IL1RAPL1: variants seen among roughly 807,000 people sequenced by gnomAD.
IL1RAPL1 encodes interleukin-1 receptor accessory protein-like 1.
In IL1RAPL1, 3 loss-of-function variants were observed where a neutral mutation model predicts 48.4. The ratio of observed to expected loss-of-function variants is 0.06; its 90% CI spans 0.03 to 0.16. IL1RAPL1 has a LOEUF of 0.16. Ranked by LOEUF, IL1RAPL1 falls within the 10% of genes least tolerant of loss-of-function variation. IL1RAPL1 has a pLI of 1.00. For synonymous variants in IL1RAPL1, 185 were observed against 187.7 expected (o/e 0.99, Z 0.12); for missense variants, 349 against 530.6 (o/e 0.66, Z 3.36).
chrX:29,732,017 T>G (rs1188772149), intron 6 of IL1RAPL1, among the ~76,000 whole-genome samples: 1 of 112,055 alleles, frequency 8.9e-6, no homozygotes, highest in Admixed American at 9.5e-5. Context: ...ATATATATAG[T>G]ATTGACTTCT....
intron 2 of IL1RAPL1, among the ~76,000 whole-genome samples, chrX:29,039,958 T>C (rs1389846408): frequency 9.0e-6 from 1 of 110,971 alleles, no homozygotes; most frequent in Non-Finnish European, 1.9e-5. Flanking sequence ...ATCCTAATTG[T>C]ACAACAAAAT....
At chrX:29,441,774 T>C (rs942116888) in intron 5 of IL1RAPL1, among the ~76,000 whole-genome samples, 1 of 112,178 alleles carries the variant, frequency 8.9e-6, no homozygotes, top group Non-Finnish European at 1.9e-5. Context: ...GTTTCTGCCA[T>C]TTCAGTATGA....
At chrX:29,401,292 T>G (rs912745427) in intron 5 of IL1RAPL1, among the ~76,000 whole-genome samples, 16 of 111,681 alleles carry the variant, frequency 1.4e-4, no homozygotes, top group African/African-American at 4.9e-4. Flanking sequence ...TTTGGGCAAA[T>G]AAATTATGAA....
chrX:29,477,560 A>G (rs1934991780), intron 5 of IL1RAPL1, among the ~76,000 whole-genome samples: 1 of 112,340 alleles, frequency 8.9e-6, no homozygotes, highest in African/African-American at 3.2e-5. Flanking sequence ...GAAAACAGCA[A>G]TAGCTAACAC....
At chrX:28,637,663 G>T (rs1186223647) in intron 1 of IL1RAPL1, among the ~76,000 whole-genome samples, 1 of 111,936 alleles carries the variant, frequency 8.9e-6, no homozygotes, top group Non-Finnish European at 1.9e-5. Context: ...TAGGATATTG[G>T]ATATTTTCAG....
intron 6 of IL1RAPL1, among the ~76,000 whole-genome samples, chrX:29,893,326 C>T (rs1932308483): frequency 9.0e-6 from 1 of 111,227 alleles, no homozygotes; most frequent in African/African-American, 3.3e-5. Context: ...ATTTAGCTGT[C>T]TCAGGGGCCT....
intron 1 of IL1RAPL1, among the ~76,000 whole-genome samples, chrX:28,775,040 C>A (rs181399033): frequency 1.8e-5 from 2 of 112,109 alleles, no homozygotes; most frequent in East Asian, 5.6e-4. Context: ...GATATAAATT[C>A]TTGTCTGAAC....
intron 3 of IL1RAPL1, among the ~76,000 whole-genome samples, chrX:29,297,747 T>G (rs977332600): frequency 1.8e-5 from 2 of 112,515 alleles, no homozygotes; most frequent in Non-Finnish European, 3.8e-5. Flanking sequence ...ATCAGTGCAC[T>G]CATAAAAAAT....
chrX:29,020,942 C>G (rs1310625788), intron 2 of IL1RAPL1, among the ~76,000 whole-genome samples: 1 of 111,245 alleles, frequency 9.0e-6, no homozygotes, highest in Non-Finnish European at 1.9e-5. Context: ...ATAGGTATGA[C>G]GGGCCAGGTG....
In IL1RAPL1 at chrX:28,779,636, A is replaced by ATATG. The variant is rs1555922874; in HGVS notation, c.-24-9681_-24-9680insGTAT. On this transcript the variant is annotated intron_variant, in intron 1 of 10. Coordinates refer to ENST00000378993, the MANE Select transcript of IL1RAPL1 (RefSeq NM_014271.4). Reference sequence around the variant, plus strand: ...TACTATTATGTGTGTGTGTGTGTGTATATATATATATATATATATATATAT... The same window carrying ATATG: ...TACTATTATGTGTGTGTGTGTGTGTATATGTATATATATATATATATATATATAT... 5.1e-3 allele frequency among the ~76,000 whole-genome samples: 192 copies of ATATG among 37,557 alleles called. 4 individuals are homozygous for ATATG. Among genetic ancestry groups the ATATG allele is most frequent in the African/African-American group, 0.022 (174 of 7,932 alleles). 32.6% of individuals were successfully genotyped at this position (37,557 alleles called of 115,157 possible). A position where few individuals can be genotyped will look rare whatever the true frequency, so the allele number is the denominator to read the frequency against.
At chrX:29,506,468 T>TCCTC (rs1215566048) in intron 5 of IL1RAPL1, among the ~76,000 whole-genome samples, 1 of 34,902 alleles carries the variant, frequency 2.9e-5, no homozygotes, top group Admixed American at 3.1e-4. Context: ...TCCTCCTCCT[T>TCCTC]CTCATTCTTC....
At chrX:28,904,417 C>T (rs764707656) in intron 2 of IL1RAPL1, among the ~76,000 whole-genome samples, 6 of 111,884 alleles carry the variant, frequency 5.4e-5, no homozygotes, top group Non-Finnish European at 7.5e-5. Flanking sequence ...TAGCATCAGC[C>T]ACAGCGTCAC....
At chrX:29,129,203 C>G (rs1034101023) in intron 2 of IL1RAPL1, among the ~76,000 whole-genome samples, 3 of 110,063 alleles carry the variant, frequency 2.7e-5, no homozygotes, top group Non-Finnish European at 5.7e-5. Context: ...GCCACCACGC[C>G]TGGCTAATTT....
At chrX:29,658,041 C>T (rs1159013772) in intron 5 of IL1RAPL1, among the ~76,000 whole-genome samples, 2 of 111,785 alleles carry the variant, frequency 1.8e-5, no homozygotes, top group African/African-American at 3.2e-5. Context: ...TGAAATTAGT[C>T]ATGCAATCAG....
intron 1 of IL1RAPL1, among the ~76,000 whole-genome samples, chrX:28,684,370 G>A (rs1280510918): frequency 9.0e-6 from 1 of 111,680 alleles, no homozygotes; most frequent in Non-Finnish European, 1.9e-5. Flanking sequence ...ACTATCTCAT[G>A]AAAGTGATTT....
rs760414378 is a variant in IL1RAPL1, at chrX:29,587,968, T to TGGA, written c.704-80461_704-80460insGAG. On this transcript the variant is annotated intron_variant, in intron 5 of 10. Coordinates refer to ENST00000378993, the MANE Select transcript of IL1RAPL1 (RefSeq NM_014271.4). ...ATTTTGTTTTGTTTTATCCACCCAGTGCTACTATTTGGCTCCAATTCTACC... is the reference window on the plus strand; with the variant it reads ...ATTTTGTTTTGTTTTATCCACCCAGTGGAGCTACTATTTGGCTCCAATTCTACC... Among the ~76,000 whole-genome samples, 191 of 112,537 alleles carry TGGA rather than the reference T, an allele frequency of 1.7e-3. 3 individuals are homozygous for TGGA. The highest frequency in any genetic ancestry group is 5.3e-3 in the African/African-American group (165 of 31,002).
chrX:29,496,905 A>G (rs1935220402), intron 5 of IL1RAPL1, among the ~76,000 whole-genome samples: 1 of 112,018 alleles, frequency 8.9e-6, no homozygotes, highest in South Asian at 3.7e-4. Context: ...TTAACTTCTC[A>G]GTGATTGGAA....
intron 3 of IL1RAPL1, among the ~76,000 whole-genome samples, chrX:29,317,552 A>G (rs1162259970): frequency 5.3e-5 from 6 of 112,621 alleles, no homozygotes; most frequent in African/African-American, 1.9e-4. Context: ...TCAATCAGAA[A>G]TAAAAACCTT....
rs1601863216 is a variant in IL1RAPL1 at position 28,697,798 on chromosome X, G to A, written c.-24-91522G>A. ...GTGGGGGAAGCACAATCTTGAAATG[G>A]CCACTGCTTTTTAGAGATACAGCAT... is the stretch of plus-strand genomic sequence containing the variant. On this transcript the variant is annotated intron_variant, in intron 1 of 10. Transcript: ENST00000378993. Among the ~76,000 whole-genome samples, 6 of 111,169 alleles carry A rather than the reference G, an allele frequency of 5.4e-5. 1 individual carries two copies. The Admixed American group carries it at 5.8e-4, about 11-fold the overall frequency.
Sources: allele counts gnomAD v4.1 joint callset (sites outside exome capture counted in the v4.1 genomes callset), GRCh38; gene constraint gnomAD v4.1.1; transcripts MANE v1.5; gene names NCBI Gene and HGNC (gene_info 2026-07-23, HGNC 2026-07-21).